SLC4A10: variants seen among roughly 807,000 people sequenced by gnomAD.
SLC4A10 encodes sodium-driven chloride bicarbonate exchanger.
Under a neutral mutation model 137.7 loss-of-function variants are expected in SLC4A10, and 42 were observed. The observed-to-expected ratio is 0.30, with a 90% CI of 0.24 to 0.39. The LOEUF is 0.39. Ranked by LOEUF, SLC4A10 falls within the 10% of genes least tolerant of loss-of-function variation. The probability of loss-of-function intolerance (pLI) is 1.00; values close to 1 mark genes in which losing one functional copy is unlikely to be tolerated. For missense variants in SLC4A10, 925 were observed against 1,355.0 expected, an observed-to-expected ratio of 0.68 and a Z score of 4.98; for synonymous variants, 474 against 464.1, an observed-to-expected ratio of 1.02 and a Z score of -0.27.
intron 15 of SLC4A10, among the ~76,000 whole-genome samples, chr2:161,928,649 C>CAAAAAAAAA (rs34327479): frequency 1.0e-5 from 1 of 99,326 alleles, no homozygotes; most frequent in Non-Finnish European, 2.0e-5. Context: ...TCCTTGAAAG[C>CAAAAAAAAA]AAAAAAAAAA....
At chr2:161,678,372 A>T (rs978316126) in intron 1 of SLC4A10, among the ~76,000 whole-genome samples, 3 of 152,196 alleles carry the variant, frequency 2.0e-5, no homozygotes, top group Non-Finnish European at 4.4e-5. Context: ...TTGAAGCTGG[A>T]TGCTCATCAG....
intron 3 of SLC4A10, among the ~76,000 whole-genome samples, chr2:161,807,796 T>C (rs1011293032): frequency 2.0e-5 from 3 of 151,940 alleles, no homozygotes; most frequent in Non-Finnish European, 4.4e-5. Context: ...TTAATAGATT[T>C]CTTAAAGATG....
intron 2 of SLC4A10, among the ~76,000 whole-genome samples, chr2:161,795,657 T>C (rs1407004810): frequency 6.6e-6 from 1 of 152,202 alleles, no homozygotes; most frequent in East Asian, 1.9e-4. Flanking sequence ...GGCACTATGC[T>C]GTGTAGTAGA....
intron 6 of SLC4A10, among the ~76,000 whole-genome samples, chr2:161,863,986 G>A (rs1376447434): frequency 6.6e-6 from 1 of 152,124 alleles, no homozygotes; most frequent in African/African-American, 2.4e-5. Flanking sequence ...CGGATCAAGA[G>A]GTCAGGAGAT....
intron 21 of SLC4A10, among the ~76,000 whole-genome samples, chr2:161,963,480 A>G (rs1471708321): frequency 6.6e-6 from 1 of 152,218 alleles, no homozygotes; most frequent in East Asian, 1.9e-4. Context: ...TACTTTATTA[A>G]CAAAATTTAT....
intron 4 of SLC4A10, among the ~76,000 whole-genome samples, chr2:161,851,092 G>A (rs1345537977): frequency 1.3e-5 from 2 of 151,994 alleles, no homozygotes; most frequent in South Asian, 2.1e-4. Flanking sequence ...TATGATTTTG[G>A]TTTTGTAAAA....
intron 8 of SLC4A10, among the ~76,000 whole-genome samples, chr2:161,878,332 C>T (rs1348179693): frequency 6.6e-6 from 1 of 152,110 alleles, no homozygotes; most frequent in African/African-American, 2.4e-5. Flanking sequence ...ACATTAAAGT[C>T]ACTGCTTGTC....
At chr2:161,760,875 A>T (rs2050183432) in intron 1 of SLC4A10, among the ~76,000 whole-genome samples, 1 of 151,902 alleles carries the variant, frequency 6.6e-6, no homozygotes, top group Non-Finnish European at 1.5e-5. Context: ...GGATAAAGAG[A>T]ATGTGGTATA....
chr2:161,788,414 C>T (rs2053864116), intron 2 of SLC4A10, among the ~76,000 whole-genome samples: 1 of 151,908 alleles, frequency 6.6e-6, no homozygotes, highest in African/African-American at 2.4e-5. Flanking sequence ...CACTCACCCT[C>T]AGGCAGTCTA....
intron 1 of SLC4A10, among the ~76,000 whole-genome samples, chr2:161,743,990 A>G (rs2048168145): frequency 1.3e-5 from 2 of 152,120 alleles, no homozygotes; most frequent in African/African-American, 2.4e-5. Flanking sequence ...ATGTCCTGCA[A>G]CTTTCCTGAA....
chr2:161,885,351 G>A (rs1290306934), intron 10 of SLC4A10, among the ~76,000 whole-genome samples: 1 of 152,106 alleles, frequency 6.6e-6, no homozygotes, highest in African/African-American at 2.4e-5. Context: ...TAGCATTTTA[G>A]CATTCAGTAT....
At position 161,671,127 on chromosome 2, in the gene SLC4A10, G is replaced by A. The variant is rs746451167; in HGVS notation, c.48+46561G>A. 3.9e-5 allele frequency among the ~76,000 whole-genome samples: 6 copies of A among 152,184 alleles called. No homozygotes were observed. The South Asian group carries it at 6.2e-4, about 16-fold the overall frequency. ...CAGTGTGATAGTATTAAAAGGTGGC[G>A]CCTTTAAGAGATGATTATGTCATGA... On this transcript the variant is annotated intron_variant, in intron 1 of 26. Coordinates refer to ENST00000446997, the MANE Select transcript of SLC4A10 (RefSeq NM_001178015.2).
chr2:161,794,152 T>C (rs1280894232), intron 2 of SLC4A10, among the ~76,000 whole-genome samples: 1 of 152,170 alleles, frequency 6.6e-6, no homozygotes, highest in East Asian at 1.9e-4. Context: ...ATTAAAGTAG[T>C]GCTATTTATC....
chr2:161,782,731 T>C (rs2053183073), intron 2 of SLC4A10, among the ~76,000 whole-genome samples: 1 of 146,210 alleles, frequency 6.8e-6, no homozygotes, highest in Admixed American at 7.0e-5. Flanking sequence ...TTCAACAACA[T>C]ACTAGATCAA....
intron 1 of SLC4A10, among the ~76,000 whole-genome samples, chr2:161,670,882 G>T (rs1056355481): frequency 6.6e-6 from 1 of 152,034 alleles, no homozygotes; most frequent in Non-Finnish European, 1.5e-5. Context: ...CTAAGTATAA[G>T]ATATCGCTTC....
intron 1 of SLC4A10, among the ~76,000 whole-genome samples, chr2:161,705,436 T>C (rs16846047): frequency 0.075 from 11,305 of 151,678 alleles, 524 homozygotes; most frequent in East Asian, 0.14. Flanking sequence ...TCTTGCTCTT[T>C]TTAAGATGCT....
At chr2:161,677,582 A>G (rs2040405051) in intron 1 of SLC4A10, among the ~76,000 whole-genome samples, 1 of 152,220 alleles carries the variant, frequency 6.6e-6, no homozygotes, top group Non-Finnish European at 1.5e-5. Flanking sequence ...GAAGACACTC[A>G]GAGAGTTTTC....
At chr2:161,626,681 T>C (rs1444607755) in intron 1 of SLC4A10, among the ~76,000 whole-genome samples, 4 of 152,188 alleles carry the variant, frequency 2.6e-5, no homozygotes, top group Admixed American at 2.6e-4. Context: ...TTTATTATTT[T>C]CATTTTCAAG....
At chr2:161,929,356 T>A (rs1575691540) in intron 15 of SLC4A10, among the ~76,000 whole-genome samples, 1 of 152,366 alleles carries the variant, frequency 6.6e-6, no homozygotes, top group South Asian at 2.1e-4. Flanking sequence ...TGCTTCTTTA[T>A]GTTCAGATGT....
Sources: allele counts gnomAD v4.1 joint callset (sites outside exome capture counted in the v4.1 genomes callset), GRCh38; gene constraint gnomAD v4.1.1; transcripts MANE v1.5; gene names NCBI Gene and HGNC (gene_info 2026-07-23, HGNC 2026-07-21).